Variants in ATP6V1H observed in about 807,000 individuals in gnomAD.
ATP6V1H encodes the protein V-type proton ATPase subunit H.
A neutral mutation model predicts 71.7 loss-of-function variants in ATP6V1H; 39 were observed. The observed-to-expected ratio is 0.54, with a 90% CI of 0.42 to 0.71. The LOEUF (loss-of-function observed/expected upper bound fraction) is 0.71, where lower values mean the gene tolerates loss of function less well. ATP6V1H is among the 30% of genes least tolerant of loss of function. The pLI is 0.00. For synonymous variants in ATP6V1H, 192 were observed against 199.3 expected (o/e 0.96, Z 0.31); for missense variants, 509 against 594.9 (o/e 0.86, Z 1.50).
chr8:53,723,776 T>C (rs1345875678), intron 13 of ATP6V1H, among the ~76,000 whole-genome samples: 1 of 152,192 alleles, frequency 6.6e-6, no homozygotes, highest in Non-Finnish European at 1.5e-5. Flanking sequence ...ACGTGGCCGT[T>C]GAGTCCTTCC....
chr8:53,760,542 A>C (rs772521660), intron 11 of ATP6V1H, among the ~76,000 whole-genome samples: 34 of 152,096 alleles, frequency 2.2e-4, no homozygotes, highest in Admixed American at 1.2e-3. Flanking sequence ...CTGTTCTAAA[A>C]CTTTTTTAAT....
Position 53,765,503 on chromosome 8 carries a change from G to A in ATP6V1H, c.1175+4115C>T, listed in dbSNP as rs1325671215. ...CACACACACACACACACACACACAA[G>A]ACCATCAGCATTAGCACCAAAAAAA... On this transcript the variant is annotated intron_variant, in intron 11 of 13. Coordinates refer to ENST00000359530, the MANE Select transcript of ATP6V1H (RefSeq NM_015941.4). 6.9e-5 allele frequency among the ~76,000 whole-genome samples: 8 copies of A among 116,604 alleles called. 1 individual carries two copies. The highest frequency in any genetic ancestry group is 6.0e-4 in the Admixed American group (7 of 11,620). 76.5% of individuals were successfully genotyped at this position (116,604 alleles called of 152,430 possible).
intron 9 of ATP6V1H, among the ~76,000 whole-genome samples, 193 bp downstream of exon 9, chr8:53,795,454 T>C (rs1350142828): frequency 6.6e-6 from 1 of 152,224 alleles, no homozygotes; most frequent in South Asian, 2.1e-4. Context: ...CATTCATAGA[T>C]AGTTTCCTCT....
In ATP6V1H at chr8:53,804,301, C is replaced by T. The variant is rs146306665; in HGVS notation, c.580-2405G>A. Among the ~76,000 whole-genome samples, 337 of 152,106 alleles carry T rather than the reference C, an allele frequency of 2.2e-3. 2 individuals are homozygous for T. Among genetic ancestry groups the T allele is most frequent in the African/African-American group, 7.9e-3 (326 of 41,476 alleles). On this transcript the variant is annotated intron_variant, in intron 7 of 13. Transcript: ENST00000359530. ...ATAAAAATTTCCCCTTTTATGATACCAACAGCGTATTATTATGATACTCAT... is the reference window on the plus strand; with the variant it reads ...ATAAAAATTTCCCCTTTTATGATACTAACAGCGTATTATTATGATACTCAT...
chr8:53,806,279 C>A (rs1449509730), intron 7 of ATP6V1H, among the ~76,000 whole-genome samples: 1 of 151,908 alleles, frequency 6.6e-6, no homozygotes, highest in African/African-American at 2.4e-5. Context: ...TGTCATGACA[C>A]TGAAATCAAT....
At chr8:53,721,534 C>T (rs941167756) in intron 13 of ATP6V1H, among the ~76,000 whole-genome samples, 2 of 152,110 alleles carry the variant, frequency 1.3e-5, no homozygotes, top group African/African-American at 4.8e-5. Context: ...GTACTCTTCA[C>T]AAGAATACCC....
At chr8:53,820,398 A>G (rs1263162113) in intron 4 of ATP6V1H, among the ~76,000 whole-genome samples, 1 of 149,020 alleles carries the variant, frequency 6.7e-6, no homozygotes, top group Non-Finnish European at 1.5e-5. Context: ...AATGAGACCA[A>G]AAAAAAAAAT....
At chr8:53,814,252 C>T (rs546943528) in intron 6 of ATP6V1H, among the ~76,000 whole-genome samples, 2 of 152,242 alleles carry the variant, frequency 1.3e-5, no homozygotes, top group African/African-American at 4.8e-5. Context: ...AAGGGAGCTG[C>T]GCCTGGAAAT....
intron 2 of ATP6V1H, chr8:53,839,543 T>A (rs1811278103): frequency 1.1e-6 from 1 of 912,226 alleles, no homozygotes; most frequent in Non-Finnish European, 1.3e-6. Flanking sequence ...ACTCTCTCAA[T>A]CTAACCAATT....
chr8:53,745,101 C>A (rs1050069725), intron 12 of ATP6V1H, among the ~76,000 whole-genome samples: 5 of 152,024 alleles, frequency 3.3e-5, no homozygotes, highest in African/African-American at 1.2e-4. Context: ...CTTGTCTTAA[C>A]AAAAGGACCC....
intron 12 of ATP6V1H, among the ~76,000 whole-genome samples, chr8:53,751,532 C>CTT (rs927650678): frequency 1.3e-5 from 2 of 152,090 alleles, no homozygotes; most frequent in African/African-American, 4.8e-5. Flanking sequence ...AAGTGCACGA[C>CTT]TTTTTTTAAA....
chr8:53,827,960 G>T (rs149106133), intron 4 of ATP6V1H, among the ~76,000 whole-genome samples: 1 of 152,244 alleles, frequency 6.6e-6, no homozygotes, highest in African/African-American at 2.4e-5. Flanking sequence ...TTTTATGGCC[G>T]TATAGTATTC....
At chr8:53,808,312 T>A (rs1435761681) in intron 7 of ATP6V1H, among the ~76,000 whole-genome samples, 1 of 152,236 alleles carries the variant, frequency 6.6e-6, no homozygotes, top group African/African-American at 2.4e-5. Context: ...TTCCACGCTG[T>A]CCTGCCTTCC....
In ATP6V1H at chr8:53,716,022, T is replaced by G. The variant is rs748419080; in HGVS notation, c.1394A>C (p.Glu465Ala). Residue 465 changes from glutamate (E) to alanine (A), a missense_variant and splice_region_variant, in exon 14 of 14, where the codon GAA (glutamate) becomes GCA (alanine). By Grantham distance (107) the Glu-to-Ala change is moderately radical. Coordinates refer to ENST00000359530, the MANE Select transcript of ATP6V1H (RefSeq NM_015941.4). ...AVQKLMVHNW[E>A]YLGKQLQSEQ... ...GGACTGGAGCTGCTTGCCAAGGTAT[T>G]CCCTGAAAAAAAAGAATGAAGTAAG... The G allele has an allele frequency of 6.2e-7, 1 of 1,604,304 alleles. No homozygotes were observed. The highest frequency in any genetic ancestry group is 8.5e-7 in the Non-Finnish European group (1 of 1,176,198).
intron 12 of ATP6V1H, among the ~76,000 whole-genome samples, chr8:53,755,713 TATATATATATATATATATATATA>T (rs1808008740): frequency 1.6e-4 from 1 of 6,104 alleles, no homozygotes; most frequent in African/African-American, 8.1e-4. Flanking sequence ...TATATATATA[TATATATATATATATATATATATA>T]TATATATATT....
intron 13 of ATP6V1H, among the ~76,000 whole-genome samples, chr8:53,733,893 A>C (rs547418190): frequency 6.6e-6 from 1 of 152,158 alleles, no homozygotes; most frequent in Admixed American, 6.5e-5. Flanking sequence ...TGCATCAGAG[A>C]GAGAAAAAAT....
At chr8:53,761,291 C>T (rs979205171) in intron 11 of ATP6V1H, among the ~76,000 whole-genome samples, 1 of 151,120 alleles carries the variant, frequency 6.6e-6, no homozygotes. Context: ...GAGCCGAGAT[C>T]GCGCCACTGC....
At chr8:53,800,565 C>A (rs1809878132) in intron 8 of ATP6V1H, among the ~76,000 whole-genome samples, 1 of 152,126 alleles carries the variant, frequency 6.6e-6, no homozygotes, top group Non-Finnish European at 1.5e-5. Context: ...AACTCAGGAA[C>A]TGATAAATGA....
intron 9 of ATP6V1H, among the ~76,000 whole-genome samples, chr8:53,775,467 G>T (rs111721202): frequency 5.9e-5 from 9 of 152,194 alleles, no homozygotes; most frequent in Admixed American, 2.6e-4. Flanking sequence ...TTGACAGGGC[G>T]CTGATTGGTG....
Sources: gnomAD v4.1 joint callset for allele counts (sites outside exome capture counted in the v4.1 genomes callset) on GRCh38, gnomAD v4.1.1 for gene constraint, MANE v1.5 for transcripts, NCBI Gene and HGNC (gene_info 2026-07-23, HGNC 2026-07-21) for gene names.